Variants in AFF3 observed in about 807,000 individuals in gnomAD.
The protein encoded by AFF3 is AF4/FMR2 family member 3.
In AFF3, 32 loss-of-function variants were observed where a neutral mutation model predicts 129.7. That is an observed-to-expected ratio of 0.25 (90% CI 0.19 to 0.33). The LOEUF (loss-of-function observed/expected upper bound fraction) is 0.33, where lower values mean the gene tolerates loss of function less well. Ranked by LOEUF, AFF3 falls within the 10% of genes least tolerant of loss-of-function variation. The pLI is 1.00. For missense variants in AFF3, 1,373 were observed against 1,592.0 expected (o/e 0.86, Z 2.34); for synonymous variants, 644 against 635.4 (o/e 1.01, Z -0.20).
At chr2:99,807,943 T>C (rs1686482395) in intron 8 of AFF3, among the ~76,000 whole-genome samples, 2 of 152,094 alleles carry the variant, frequency 1.3e-5, no homozygotes, top group African/African-American at 2.4e-5. Context: ...TGTGAGTATA[T>C]GTAATTAATA....
intron 7 of AFF3, among the ~76,000 whole-genome samples, chr2:99,987,239 G>A (rs1407547551): frequency 6.6e-6 from 1 of 152,172 alleles, no homozygotes; most frequent in Non-Finnish European, 1.5e-5. Context: ...AAAAGACAGG[G>A]GTACGGAGAA....
intron 13 of AFF3, among the ~76,000 whole-genome samples, chr2:99,633,903 T>C (rs1575559865): frequency 1.4e-5 from 2 of 147,394 alleles, no homozygotes; most frequent in African/African-American, 5.0e-5. Flanking sequence ...CCTCTTTTCT[T>C]CCTTCCTTTT....
chr2:99,867,262 A>G (rs1691489600), intron 7 of AFF3, among the ~76,000 whole-genome samples: 1 of 152,116 alleles, frequency 6.6e-6, no homozygotes, highest in Non-Finnish European at 1.5e-5. Flanking sequence ...CTTGATGAAT[A>G]GCATTTGCTT....
chr2:99,719,070 T>TC (rs146300034), intron 11 of AFF3, among the ~76,000 whole-genome samples: 3 of 150,108 alleles, frequency 2.0e-5, no homozygotes, highest in East Asian at 1.9e-4. Flanking sequence ...TTTTTTTTTT[T>TC]CCTGATGGCC....
intron 7 of AFF3, among the ~76,000 whole-genome samples, chr2:99,947,604 ATAGAT>A (rs1675735545): frequency 2.3e-5 from 1 of 42,804 alleles, no homozygotes; most frequent in African/African-American, 9.8e-5. Context: ...AGAAAGAAAG[ATAGAT>A]AGATAGATAG....
chr2:99,970,659 G>A (rs374582601), intron 7 of AFF3, among the ~76,000 whole-genome samples: 1 of 152,116 alleles, frequency 6.6e-6, no homozygotes, highest in African/African-American at 2.4e-5. Context: ...CTTCCTGCAC[G>A]TCCAAGCCTC....
At chr2:99,755,356 C>A (rs1682008520) in intron 8 of AFF3, among the ~76,000 whole-genome samples, 1 of 151,840 alleles carries the variant, frequency 6.6e-6, no homozygotes, top group African/African-American at 2.4e-5. Context: ...GCGACCTCTG[C>A]CTTCCAGTTC....
chr2:99,746,379 A>G (rs1681159017), intron 9 of AFF3, among the ~76,000 whole-genome samples: 1 of 152,182 alleles, frequency 6.6e-6, no homozygotes, highest in South Asian at 2.1e-4. Flanking sequence ...AAATCCAAGT[A>G]CTAATGTCTG....
intron 12 of AFF3, among the ~76,000 whole-genome samples, chr2:99,657,092 CT>C (rs1685815854): frequency 6.6e-6 from 1 of 152,142 alleles, no homozygotes; most frequent in Admixed American, 6.5e-5. Flanking sequence ...CTTATAAACC[CT>C]GTTAAATAAG....
At position 99,594,288 on chromosome 2, in the gene AFF3, G is replaced by A. The variant is rs746842325; in HGVS notation, c.1373C>T (p.Ala458Val). The A allele has an allele frequency of 1.3e-6, 2 of 1,592,936 alleles. No homozygotes were observed. The highest frequency in any genetic ancestry group is 2.3e-5 in the South Asian group (2 of 88,406). The change falls in exon 15 of 25, where the codon GCT becomes GTT. Residue 458 changes from alanine to valine, a missense_variant and splice_region_variant. Around this residue, in one of 9 missense-constraint regions of AFF3, gnomAD observed 413 missense variants for 424.4 expected, o/e 0.97. Coordinates refer to ENST00000672756, the MANE Select transcript of AFF3 (RefSeq NM_001386135.1). ...SKPPHFSSPE[A>V]EPASSNKWQL... ...CCACTTGTTAGAGGATGCCGGTTCA[G>A]CCTGAAAGCAGAAAACCGGTGACAA...
intron 4 of AFF3, among the ~76,000 whole-genome samples, chr2:100,079,276 T>C (rs922605774): frequency 6.6e-6 from 1 of 152,180 alleles, no homozygotes; most frequent in African/African-American, 2.4e-5. Context: ...CCAAGTTTGG[T>C]TGAATCCACA....
chr2:99,858,108 T>C (rs1362692113), intron 7 of AFF3, among the ~76,000 whole-genome samples: 2 of 152,104 alleles, frequency 1.3e-5, no homozygotes, highest in Non-Finnish European at 2.9e-5. Flanking sequence ...ACCATCATCA[T>C]GAAAAGGACA....
chr2:100,111,745 A>G (rs905667415), intron 2 of AFF3, among the ~76,000 whole-genome samples: 1 of 152,242 alleles, frequency 6.6e-6, no homozygotes. Flanking sequence ...TAAGTACAGT[A>G]TGTTGAAATA....
chr2:100,019,883 TC>T (rs1442963837), intron 4 of AFF3, among the ~76,000 whole-genome samples: 9 of 152,030 alleles, frequency 5.9e-5, no homozygotes, highest in Admixed American at 5.9e-4. Context: ...CTGAGGCCTA[TC>T]CCCCCAACCC....
intron 10 of AFF3, 124 bp from the exon 11 acceptor site, chr2:99,727,252 T>A: frequency 1.0e-6 from 1 of 958,164 alleles, no homozygotes; most frequent in Non-Finnish European, 1.5e-6. Context: ...AGGAGGCTTT[T>A]AAAACATCTT....
chr2:99,665,903 T>C lies in AFF3; in HGVS notation c.1143+6635A>G, dbSNP rs143402793. Among the ~76,000 whole-genome samples, 168 of 152,266 alleles carry C rather than the reference T, an allele frequency of 1.1e-3. 1 individual carries two copies. The highest frequency in any genetic ancestry group is 3.6e-3 in the African/African-American group (149 of 41,554). On this transcript the variant is annotated intron_variant, in intron 12 of 24. Coordinates refer to ENST00000672756, the MANE Select transcript of AFF3 (RefSeq NM_001386135.1). ...GTGTTCAATGCTGTAAGTCTTCTAG[T>C]AAGACAGGGGACTGAAAAGAGCCCA...
At chr2:99,791,779 CTTTTTGTGGTATA>C (rs1418012055) in intron 8 of AFF3, among the ~76,000 whole-genome samples, 2 of 150,828 alleles carry the variant, frequency 1.3e-5, no homozygotes, top group Non-Finnish European at 3.0e-5. Flanking sequence ...TCCTACTGTC[CTTTTTGTGGTATA>C]TTTAGTGCCA....
intron 1 of AFF3, among the ~76,000 whole-genome samples, chr2:100,138,191 T>C (rs1488835323): frequency 6.6e-6 from 1 of 152,206 alleles, no homozygotes; most frequent in Admixed American, 6.5e-5. Flanking sequence ...TGCCTCACCA[T>C]GCATAGATGT....
At chr2:99,734,956 G>A (rs182735790) in intron 10 of AFF3, among the ~76,000 whole-genome samples, 38 of 152,182 alleles carry the variant, frequency 2.5e-4, no homozygotes, top group African/African-American at 8.7e-4. Flanking sequence ...CTCTTCCTGT[G>A]AGTTTGGTAG....
Sources: gnomAD v4.1 joint callset for allele counts (sites outside exome capture counted in the v4.1 genomes callset) on GRCh38, gnomAD v4.1.1 for gene constraint, gnomAD v4.1.1 regional missense constraint, MANE v1.5 for transcripts, NCBI Gene and HGNC (gene_info 2026-07-23, HGNC 2026-07-21) for gene names.